The following PCDHA2 variants were observed in gnomAD, a reference collection of about 807,000 sequenced individuals.
PCDHA2 encodes protocadherin alpha 2.
A neutral mutation model predicts 66.0 loss-of-function variants in PCDHA2; 58 were observed. That is an observed-to-expected ratio of 0.88 (90% CI 0.71 to 1.09). The LOEUF is 1.09. Ranked by LOEUF, PCDHA2 falls within the 50% of genes least tolerant of loss-of-function variation. The pLI is 0.00. For synonymous variants in PCDHA2, 634 were observed against 554.0 expected, an observed-to-expected ratio of 1.14 and a Z score of -2.03; for missense variants, 1,267 against 1,242.3, an observed-to-expected ratio of 1.02 and a Z score of -0.30.
At chr5:140,855,286 A>G (rs1387384974) in intron 1 of PCDHA2, among the ~76,000 whole-genome samples, 2 of 149,848 alleles carry the variant, frequency 1.3e-5, no homozygotes, top group Non-Finnish European at 3.0e-5. Flanking sequence ...CCGTATTACT[A>G]TTAGGCCAAA....
At chr5:140,805,296 G>T in intron 1 of PCDHA2, 1 of 1,267,312 alleles carries the variant, frequency 7.9e-7, no homozygotes, top group South Asian at 2.6e-5. Context: ...GGTGAAAATG[G>T]AATTCTTCCT....
chr5:140,804,879 C>A, intron 1 of PCDHA2: 4 of 562,574 alleles, frequency 7.1e-6, no homozygotes, highest in South Asian at 3.1e-5. Context: ...TTTTTCTTGA[C>A]TCCTCTCCTT....
intron 1 of PCDHA2, among the ~76,000 whole-genome samples, chr5:140,897,443 G>GT (rs1562897655): frequency 6.7e-6 from 1 of 149,986 alleles, no homozygotes; most frequent in Non-Finnish European, 1.5e-5. Flanking sequence ...GCAGTGTTTG[G>GT]TTTTTTGTCC....
chr5:140,872,867 A>G (rs549673745), intron 1 of PCDHA2, among the ~76,000 whole-genome samples: 37 of 152,332 alleles, frequency 2.4e-4, no homozygotes, highest in African/African-American at 8.7e-4. Flanking sequence ...CCTACTGACA[A>G]TTATCAGTTT....
intron 1 of PCDHA2, chr5:140,835,929 A>G: frequency 6.2e-7 from 1 of 1,612,456 alleles, no homozygotes; most frequent in Non-Finnish European, 8.5e-7. Context: ...GGAGAGCGGC[A>G]AGGTGTACGC....
chr5:140,903,550 C>T lies in PCDHA2; in HGVS notation c.2389-75399C>T, dbSNP rs139225982. 2.6e-3 allele frequency among the ~76,000 whole-genome samples: 396 copies of T among 152,250 alleles called. 2 individuals carry two copies. The highest frequency in any genetic ancestry group is 9.3e-3 in the African/African-American group (385 of 41,564). The stretch of plus-strand genomic sequence containing the variant: ...CTTTAAACTAGAGCAAGAAACTTTT[C>T]TAATAAGTGGAATTGGGAGCTGTCT... On this transcript the variant is annotated intron_variant, in intron 1 of 3. Transcript: ENST00000526136.
At position 140,802,357 on chromosome 5, in the gene PCDHA2, G is replaced by T. The variant is rs782400027; in HGVS notation, c.2388+5005G>T. ...TCAGGAGTCAATGGACAGGTCACCT[G>T]CTCGCTGACGCCCCACGTCCCCTTC... On this transcript the variant is annotated intron_variant, in intron 1 of 3. Coordinates refer to ENST00000526136, the MANE Select transcript of PCDHA2 (RefSeq NM_018905.3). 14 of 1,614,146 alleles carry T rather than the reference G, an allele frequency of 8.7e-6. No individual in the cohort carries two copies. Among genetic ancestry groups the T allele is most frequent in the Non-Finnish European group, 1.1e-5 (13 of 1,180,052 alleles).
At chr5:140,824,177 T>C in intron 1 of PCDHA2, 1 of 1,609,658 alleles carries the variant, frequency 6.2e-7, no homozygotes, top group East Asian at 2.2e-5. Context: ...TTTTCAAATA[T>C]TAAATGTCAC....
chr5:140,926,884 A>G, intron 1 of PCDHA2: 7 of 1,542,402 alleles, frequency 4.5e-6, no homozygotes, highest in Non-Finnish European at 6.1e-6. Flanking sequence ...GTGGACGCCT[A>G]GAGGGAGGAT....
intron 1 of PCDHA2, chr5:140,966,880 C>T (rs1554228837): frequency 1.3e-6 from 2 of 1,588,288 alleles, no homozygotes; most frequent in Admixed American, 3.5e-5. Flanking sequence ...TGCTACCTGG[C>T]CCTGCGGCCT....
rs142105240 is a variant in PCDHA2, at chr5:140,882,817, A to G, written c.2388+85465A>G. The G allele has an allele frequency of 5.3e-5, 86 of 1,614,242 alleles. 1 individual carries two copies. The African/African-American group carries it at 9.9e-4, about 19-fold the overall frequency. The stretch of plus-strand genomic sequence containing the variant: ...ACGATTATTTCACTTTGGACGCACA[A>G]AACAGTCTTGAGCAAATGTCTTCAT... On this transcript the variant is annotated intron_variant, in intron 1 of 3. Transcript: ENST00000526136.
chr5:140,828,548 C>A (rs2150156612), intron 1 of PCDHA2: 1 of 1,614,200 alleles, frequency 6.2e-7, no homozygotes. Context: ...TTCTGTGTTT[C>A]CACTGGAGGG....
chr5:140,951,150 ATAGT>A (rs33995910), intron 1 of PCDHA2, among the ~76,000 whole-genome samples: 85,202 of 151,324 alleles, frequency 0.56, 24,547 homozygotes, highest in African/African-American at 0.69. Context: ...CTTATTGAAT[ATAGT>A]TATAGTAGCT....
In PCDHA2 at chr5:140,857,821, T is replaced by G. The variant is rs782136833; in HGVS notation, c.2388+60469T>G. On this transcript the variant is annotated intron_variant, in intron 1 of 3. Transcript: ENST00000526136. The stretch of plus-strand genomic sequence containing the variant: ...CGGTGGTTGCGGGTCACGTGGTGGC[T>G]AAGGTGCGCGCAGTGGACGCTGACT... 1.3e-5 allele frequency: 21 copies of G among 1,597,530 alleles called. 3 individuals carry two copies. Among genetic ancestry groups the G allele is most frequent in the East Asian group, 2.2e-5 (1 of 44,830 alleles).
chr5:140,915,367 G>A lies in PCDHA2; in HGVS notation c.2389-63582G>A, dbSNP rs185020793. On this transcript the variant is annotated intron_variant, in intron 1 of 3. Coordinates refer to ENST00000526136, the MANE Select transcript of PCDHA2 (RefSeq NM_018905.3). Reference sequence around the variant, plus strand: ...TCTGTATGCCTATTCTTACCAGTAAGTGTCTCGGCATTGAAGAGCTAGGTA... The same window carrying A: ...TCTGTATGCCTATTCTTACCAGTAAATGTCTCGGCATTGAAGAGCTAGGTA... Among the ~76,000 whole-genome samples, 5 of 152,278 alleles carry A rather than the reference G, an allele frequency of 3.3e-5. No individual in the cohort carries two copies. In the East Asian group the frequency reaches 9.7e-4, roughly 29 times the overall value.
intron 1 of PCDHA2, among the ~76,000 whole-genome samples, chr5:140,940,583 G>A (rs1294741133): frequency 6.6e-6 from 1 of 151,990 alleles, no homozygotes; most frequent in East Asian, 1.9e-4. Flanking sequence ...AAAGTGTTGG[G>A]ATTTCAGGCA....
chr5:140,803,906 C>G, intron 1 of PCDHA2: 1 of 512,534 alleles, frequency 2.0e-6, no homozygotes, highest in Non-Finnish European at 3.4e-6. Context: ...TTTAGAGAAT[C>G]TGACTTCGAC....
At chr5:140,841,888 T>A (rs2150324867) in intron 1 of PCDHA2, 2 of 1,613,782 alleles carry the variant, frequency 1.2e-6, no homozygotes, top group Non-Finnish European at 1.7e-6. Flanking sequence ...ACGATGAGAA[T>A]AAACTGGTTG....
At chr5:140,950,358 G>A (rs1474217490) in intron 1 of PCDHA2, among the ~76,000 whole-genome samples, 3 of 151,864 alleles carry the variant, frequency 2.0e-5, no homozygotes, top group Admixed American at 1.3e-4. Context: ...TCCTTTATCT[G>A]AAGATCTATT....
Sources: gnomAD v4.1 joint callset for allele counts (sites outside exome capture counted in the v4.1 genomes callset) on GRCh38, gnomAD v4.1.1 for gene constraint, MANE v1.5 for transcripts, NCBI Gene and HGNC (gene_info 2026-07-23, HGNC 2026-07-21) for gene names.